The following FANCI variants were observed in gnomAD, a reference collection of about 807,000 sequenced individuals.
The protein encoded by FANCI is Fanconi anemia group I protein.
A neutral mutation model predicts 176.1 loss-of-function variants in FANCI; 156 were observed. The observed-to-expected ratio is 0.89, with a 90% CI of 0.78 to 1.01. FANCI has a LOEUF of 1.01. Among genes scored for constraint, FANCI ranks in the 50% least tolerant of loss-of-function variants. The pLI is 0.00. For synonymous variants in FANCI, 613 were observed against 541.7 expected (o/e 1.13, Z -1.83); for missense variants, 1,678 against 1,534.1 (o/e 1.09, Z -1.57).
chr15:89,317,254 C>T (rs1596348074), downstream of FANCI: 3 of 833,964 alleles, frequency 3.6e-6, no homozygotes, highest in South Asian at 1.4e-5. Context: ...TGAAATTAGC[C>T]TAGAATATAG....
At chr15:89,291,394 T>C (rs530471283) in intron 19 of FANCI, among the ~76,000 whole-genome samples, 2 of 152,232 alleles carry the variant, frequency 1.3e-5, no homozygotes, top group East Asian at 3.9e-4. Context: ...ATAGAAGGAA[T>C]TGGAATAGGA....
chr15:89,266,130 G>A (rs1488433116), intron 9 of FANCI, among the ~76,000 whole-genome samples: 3 of 150,334 alleles, frequency 2.0e-5, no homozygotes, highest in African/African-American at 7.4e-5. Flanking sequence ...CCAAGTAGCT[G>A]GGACTATAGG....
At chr15:89,249,947 C>T (rs1214796402) in intron 2 of FANCI, among the ~76,000 whole-genome samples, 2 of 152,210 alleles carry the variant, frequency 1.3e-5, no homozygotes, top group Non-Finnish European at 2.9e-5. Flanking sequence ...AAATTAATCA[C>T]ATGTCATATA....
intron 9 of FANCI, 156 bp downstream of exon 9, chr15:89,264,763 A>G (rs1281121623): frequency 4.9e-6 from 3 of 611,048 alleles, no homozygotes; most frequent in Non-Finnish European, 8.9e-6. Flanking sequence ...TAAAGAGAAT[A>G]ACATGATCTC....
At chr15:89,300,055 A>G (rs779741459) in intron 25 of FANCI, 89 bp downstream of exon 25, 1 of 1,437,536 alleles carries the variant, frequency 7.0e-7, no homozygotes, top group Non-Finnish European at 9.8e-7. Context: ...ACCAGAAGAC[A>G]CTTGAGAACA....
intron 18 of FANCI, 118 bp downstream of exon 18, chr15:89,285,336 C>G: frequency 7.4e-7 from 1 of 1,358,204 alleles, no homozygotes; most frequent in Non-Finnish European, 1.0e-6. Context: ...GTAGTCAGCA[C>G]CAGTAGCTAG....
At chr15:89,248,134 C>T (rs908876747) in intron 2 of FANCI, among the ~76,000 whole-genome samples, 9 of 152,090 alleles carry the variant, frequency 5.9e-5, no homozygotes, top group Admixed American at 3.3e-4. Context: ...AGTTTATAAG[C>T]GGCAAAATAT....
chr15:89,295,742 C>T (rs1402148582), intron 24 of FANCI, among the ~76,000 whole-genome samples: 1 of 142,070 alleles, frequency 7.0e-6, no homozygotes, highest in African/African-American at 2.6e-5. Flanking sequence ...GCCCCCCCCA[C>T]CTTTTTTTTT....
rs1208288049 is a variant in FANCI at position 89,305,239 on chromosome 15, C to T, written c.3183C>T (p.Asp1061=). The change falls in exon 29 of 38, where the codon GAC becomes GAT. Residue 1061 remains aspartate (D), a synonymous_variant. Coordinates refer to ENST00000310775, the MANE Select transcript of FANCI (RefSeq NM_001113378.2). ...QDIHGHLGDI[D]QDVEVEKTNH... ...TCCACGGGCATCTGGGAGATATAGA[C>T]CAGGTACTATAATGAGCCTTCAGTA... 1.2e-6 allele frequency: 2 copies of T among 1,614,042 alleles called. No homozygotes were observed. Among genetic ancestry groups the T allele is most frequent in the South Asian group, 2.2e-5 (2 of 91,078 alleles).
chr15:89,290,429 T>G, intron 19 of FANCI, 148 bp downstream of exon 19: 1 of 682,914 alleles, frequency 1.5e-6, no homozygotes, highest in Non-Finnish European at 2.6e-6. Context: ...TATGCTGTTC[T>G]GGGTTGTCTT....
intron 10 of FANCI, 93 bp downstream of exon 10, chr15:89,268,618 A>T: frequency 6.7e-7 from 1 of 1,490,202 alleles, no homozygotes; most frequent in Non-Finnish European, 9.3e-7. Context: ...CAGGAAATAA[A>T]TACTGTAAAA....
At chr15:89,304,996 G>C in intron 28 of FANCI, 119 bp from the exon 29 acceptor site, 1 of 1,135,286 alleles carries the variant, frequency 8.8e-7, no homozygotes. Flanking sequence ...GGCTGGTCTT[G>C]AATTCCTGAC....
intron 18 of FANCI, among the ~76,000 whole-genome samples, chr15:89,288,893 A>G (rs8028491): frequency 0.029 from 4,364 of 151,996 alleles, 173 homozygotes; most frequent in African/African-American, 0.093. Context: ...CTCCTGCCTC[A>G]GTCTTCCAAA....
In FANCI at chr15:89,292,937, T is replaced by C. The variant is rs752161560; in HGVS notation, c.2170-5T>C. On this transcript the variant is annotated splice_region_variant and splice_polypyrimidine_tract_variant and intron_variant, in intron 21 of 37. Transcript: ENST00000310775. ...GCTTGTTAATTTTTATCTTGTGTCT[T>C]TTAGGATAAATCAGCAGATTTTTCT... 1 of 1,614,114 alleles carries C rather than the reference T, an allele frequency of 6.2e-7. No individual in the cohort carries two copies. The highest frequency in any genetic ancestry group is 1.7e-5 in the Admixed American group (1 of 60,030).
At chr15:89,297,168 C>T (rs2054324513) in intron 24 of FANCI, among the ~76,000 whole-genome samples, 1 of 133,948 alleles carries the variant, frequency 7.5e-6, no homozygotes, top group Admixed American at 7.4e-5. Flanking sequence ...GACGGGGCGG[C>T]CGGGCAGAGG....
intron 9 of FANCI, among the ~76,000 whole-genome samples, chr15:89,267,086 C>T (rs774019173): frequency 3.3e-5 from 5 of 151,768 alleles, no homozygotes; most frequent in Admixed American, 6.6e-5. Flanking sequence ...TTTGGGAGGC[C>T]GAGGCAGGCA....
At position 89,293,038 on chromosome 15, in the gene FANCI, T is replaced by C. The variant is rs752028405; in HGVS notation, c.2266T>C (p.Tyr756His). The C allele has an allele frequency of 1.4e-5, 23 of 1,613,734 alleles. No individual in the cohort carries two copies. The Admixed American group carries it at 2.7e-4, about 19-fold the overall frequency. The change falls in exon 22 of 38, where the codon TAC (tyrosine) becomes CAC (histidine). Residue 756 changes from tyrosine (Y) to histidine (H), a missense_variant. Transcript: ENST00000310775. ...GGGAGTTTGTGAGGTTTTAATAGAA[T>C]ACAATTTCTCCATAAGTAGTTTCAG... ...VMGVCEVLIE[Y>H]NFSISSFSKN...
In FANCI at chr15:89,299,887, C is replaced by T. The variant is rs959831621; in HGVS notation, c.2724C>T (p.Cys908=). 9 of 1,613,966 alleles carry T rather than the reference C, an allele frequency of 5.6e-6. No individual in the cohort carries two copies. In the African/African-American group the frequency reaches 1.2e-4, roughly 22 times the overall value. ...KEKGKSISLL[C]LEGLQKIFSA... ...AAGGAAAGAGCATCTCACTGCTGTGCTTGGAGGGTTTACAGAAAATATTCA... is the reference window on the plus strand; with the variant it reads ...AAGGAAAGAGCATCTCACTGCTGTGTTTGGAGGGTTTACAGAAAATATTCA... The change falls in exon 25 of 38, where the codon TGC becomes TGT. Residue 908 remains cysteine, a synonymous_variant. Coordinates refer to ENST00000310775, the MANE Select transcript of FANCI (RefSeq NM_001113378.2).
chr15:89,258,853 C>T (rs766383889), intron 3 of FANCI, 77 bp downstream of exon 3: 154 of 1,079,478 alleles, frequency 1.4e-4, no homozygotes, highest in Middle Eastern at 7.9e-4. Context: ...ACTTTTCTTA[C>T]GGTTTGAAGC....
Sources: allele counts gnomAD v4.1 joint callset (sites outside exome capture counted in the v4.1 genomes callset), GRCh38; gene constraint gnomAD v4.1.1; transcripts MANE v1.5; gene names NCBI Gene and HGNC (gene_info 2026-07-23, HGNC 2026-07-21).